Variants in PDE11A observed in about 807,000 individuals in gnomAD.
PDE11A encodes dual 3',5'-cyclic-AMP and -GMP phosphodiesterase 11A.
Under a neutral mutation model 100.5 loss-of-function variants are expected in PDE11A, and 100 were observed. The ratio of observed to expected loss-of-function variants is 1.00; its 90% confidence interval spans 0.85 to 1.18. The LOEUF is 1.18. Among genes scored for constraint, PDE11A ranks in the 50% most tolerant of loss-of-function variants. The pLI is 0.00. For synonymous variants in PDE11A, 381 were observed against 420.8 expected, an observed-to-expected ratio of 0.91 and a Z score of 1.16; for missense variants, 1,141 against 1,152.6, an observed-to-expected ratio of 0.99 and a Z score of 0.15.
At chr2:177,726,055 G>A (rs936941583) in intron 12 of PDE11A, among the ~76,000 whole-genome samples, 2 of 152,032 alleles carry the variant, frequency 1.3e-5, no homozygotes, top group African/African-American at 4.8e-5. Flanking sequence ...CTTGTTTACT[G>A]AGGTAGGATA....
chr2:177,912,730 A>T (rs2084900609), intron 2 of PDE11A, among the ~76,000 whole-genome samples: 1 of 152,186 alleles, frequency 6.6e-6, no homozygotes, highest in African/African-American at 2.4e-5. Flanking sequence ...ACTCAAGGGT[A>T]ACCATTATTA....
intron 2 of PDE11A, among the ~76,000 whole-genome samples, chr2:177,982,190 CT>C (rs895526641): frequency 1.3e-5 from 2 of 150,680 alleles, no homozygotes; most frequent in Non-Finnish European, 3.0e-5. Flanking sequence ...CAGCTAATTT[CT>C]TTTTTTCTCC....
intron 5 of PDE11A, among the ~76,000 whole-genome samples, chr2:177,873,021 C>G (rs943163271): frequency 1.3e-5 from 2 of 152,166 alleles, no homozygotes; most frequent in Non-Finnish European, 2.9e-5. Flanking sequence ...TTTCAAATGT[C>G]TCTTTAAAGA....
At chr2:177,855,201 T>C (rs1482332837) in intron 5 of PDE11A, among the ~76,000 whole-genome samples, 1 of 152,024 alleles carries the variant, frequency 6.6e-6, no homozygotes, top group African/African-American at 2.4e-5. Context: ...TTATATACTG[T>C]GGAAATATTT....
chr2:178,003,278 G>T lies in PDE11A; in HGVS notation c.1071+11024C>A, dbSNP rs58087818. On this transcript the variant is annotated intron_variant, in intron 2 of 19. Coordinates refer to ENST00000286063, the MANE Select transcript of PDE11A (RefSeq NM_016953.4). The stretch of plus-strand genomic sequence containing the variant: ...GTTCATAGAAGCATTATTCATAATA[G>T]TCAAGAAGTGGAAACAGCAACAAAT... Among the ~76,000 whole-genome samples the T allele has an allele frequency of 7.1e-3, 1,082 of 152,178 alleles. 9 individuals are homozygous for T. Among genetic ancestry groups the T allele is most frequent in the African/African-American group, 0.025 (1,027 of 41,532 alleles).
At chr2:177,808,699 C>G (rs1574163428) in intron 9 of PDE11A, among the ~76,000 whole-genome samples, 1 of 152,002 alleles carries the variant, frequency 6.6e-6, no homozygotes, top group Admixed American at 6.6e-5. Context: ...CTGATCCATA[C>G]CTAAAAATTC....
intron 9 of PDE11A, among the ~76,000 whole-genome samples, chr2:177,786,003 A>G (rs1040187840): frequency 1.3e-5 from 2 of 152,196 alleles, no homozygotes; most frequent in African/African-American, 4.8e-5. Context: ...GCAGACTTAA[A>G]TGTCCCTGTC....
intron 9 of PDE11A, among the ~76,000 whole-genome samples, chr2:177,806,275 C>G (rs1222098954): frequency 6.6e-6 from 1 of 152,156 alleles, no homozygotes; most frequent in African/African-American, 2.4e-5. Context: ...AGCTGCAATT[C>G]AAACCCCTCC....
At chr2:177,666,949 G>A (rs576682267) in intron 18 of PDE11A, among the ~76,000 whole-genome samples, 1 of 29,910 alleles carries the variant, frequency 3.3e-5, no homozygotes, top group African/African-American at 7.5e-5. Flanking sequence ...AGAGAGTCTT[G>A]CTCTGTCACC....
At chr2:177,857,664 G>C (rs1189522312) in intron 5 of PDE11A, among the ~76,000 whole-genome samples, 1 of 151,772 alleles carries the variant, frequency 6.6e-6, no homozygotes, top group South Asian at 2.1e-4. Flanking sequence ...ATACAGAAAA[G>C]GCAAATGTAA....
intron 2 of PDE11A, among the ~76,000 whole-genome samples, chr2:178,096,987 A>G (rs113543018): frequency 0.036 from 5,491 of 152,226 alleles, 157 homozygotes; most frequent in Middle Eastern, 0.13. Context: ...CTGGGGTTCA[A>G]GCAATTCTCC....
intron 1 of PDE11A, among the ~76,000 whole-genome samples, chr2:178,066,702 C>T (rs200102891): frequency 8.5e-5 from 13 of 152,348 alleles, no homozygotes; most frequent in African/African-American, 2.9e-4. Flanking sequence ...CCCCACACCA[C>T]CTCAGGGAAG....
At chr2:177,786,950 T>A (rs1398246927) in intron 9 of PDE11A, among the ~76,000 whole-genome samples, 1 of 150,276 alleles carries the variant, frequency 6.7e-6, no homozygotes, top group African/African-American at 2.5e-5. Context: ...TGGAACCAAG[T>A]TGGAAAACAC....
chr2:177,765,993 C>T (rs957608192), intron 10 of PDE11A, among the ~76,000 whole-genome samples: 6 of 152,152 alleles, frequency 3.9e-5, no homozygotes, highest in African/African-American at 9.7e-5. Flanking sequence ...TCAGTTTCTT[C>T]CCAAACTCTG....
intron 2 of PDE11A, among the ~76,000 whole-genome samples, chr2:177,986,037 C>A (rs1001923217): frequency 6.6e-6 from 1 of 152,150 alleles, no homozygotes; most frequent in Non-Finnish European, 1.5e-5. Flanking sequence ...TTTCTGAGTC[C>A]TTTTTTGTCC....
At chr2:177,981,164 T>C (rs1447309434) in intron 2 of PDE11A, among the ~76,000 whole-genome samples, 1 of 150,730 alleles carries the variant, frequency 6.6e-6, no homozygotes, top group Non-Finnish European at 1.5e-5. Flanking sequence ...ATAGCCTTCC[T>C]GAGATTGGTC....
intron 2 of PDE11A, among the ~76,000 whole-genome samples, chr2:177,920,659 A>G (rs1389879333): frequency 6.6e-6 from 1 of 152,182 alleles, no homozygotes; most frequent in African/African-American, 2.4e-5. Context: ...TGTCTTTACA[A>G]TTCTATTCTT....
chr2:177,656,390 T>C (rs1456844276), intron 19 of PDE11A, among the ~76,000 whole-genome samples: 1 of 152,246 alleles, frequency 6.6e-6, no homozygotes, highest in African/African-American at 2.4e-5. Context: ...TATTAGGCTG[T>C]ACAATATAGG....
intron 1 of PDE11A, among the ~76,000 whole-genome samples, chr2:178,019,540 A>G (rs1243586798): frequency 6.6e-6 from 1 of 152,194 alleles, no homozygotes; most frequent in East Asian, 1.9e-4. Context: ...AAAAAAGCCC[A>G]ATGTAGTAAA....
Sources: allele counts gnomAD v4.1 joint callset (sites outside exome capture counted in the v4.1 genomes callset), GRCh38; gene constraint gnomAD v4.1.1; transcripts MANE v1.5; gene names NCBI Gene and HGNC (gene_info 2026-07-23, HGNC 2026-07-21).